ADAMTS1: variants seen among roughly 807,000 people sequenced by gnomAD.
ADAMTS1 encodes ADAM metallopeptidase with thrombospondin type 1 motif 1.
In ADAMTS1, 19 loss-of-function variants were observed where a neutral mutation model predicts 87.9. That is an observed-to-expected ratio of 0.22 (90% CI 0.15 to 0.32). The LOEUF is 0.32. Ranked by LOEUF, ADAMTS1 falls within the 10% of genes least tolerant of loss-of-function variation. The pLI, the probability that ADAMTS1 is intolerant of heterozygous loss-of-function variation, is 1.00. For missense variants in ADAMTS1, 1,240 were observed against 1,259.1 expected (o/e 0.98, Z 0.23); for synonymous variants, 542 against 501.8 (o/e 1.08, Z -1.07).
chr21:26,839,432 A>G, intron 7 of ADAMTS1, 155 bp downstream of exon 7: 1 of 665,308 alleles, frequency 1.5e-6, no homozygotes, highest in South Asian at 2.5e-5. Flanking sequence ...AACTCAAAGC[A>G]GGCAGTTGCC....
Position 26,836,478 on chromosome 21 carries a change from T to C in ADAMTS1, c.*1101A>G, listed in dbSNP as rs897683467. The C allele has an allele frequency of 2.0e-5, 3 of 152,606 alleles. No individual in the cohort carries two copies. The highest frequency in any genetic ancestry group is 2.9e-5 in the Non-Finnish European group (2 of 68,034). The allele number at this position is 152,606 out of a possible 1,614,324, so 9.5% of individuals were successfully genotyped here. The stretch of plus-strand genomic sequence containing the variant: ...GAAGGAACACCCAAACCAATACTTA[T>C]AAAGTACATGTAATTTATAGTAACA... On this transcript the variant is annotated 3_prime_UTR_variant, in exon 9 of 9. Coordinates refer to ENST00000284984, the MANE Select transcript of ADAMTS1 (RefSeq NM_006988.5).
At chr21:26,838,731 T>C (rs1985430900) in intron 7 of ADAMTS1, 117 bp from the exon 8 acceptor site, 2 of 980,718 alleles carry the variant, frequency 2.0e-6, no homozygotes, top group African/African-American at 3.3e-5. Flanking sequence ...CACAGTACCC[T>C]CTACACATTA....
intron 7 of ADAMTS1, 122 bp downstream of exon 7, chr21:26,839,465 T>C: frequency 6.6e-6 from 6 of 905,112 alleles, no homozygotes; most frequent in Non-Finnish European, 9.6e-6. Context: ...AGAAAAGGAG[T>C]TCAAATTTGA....
At chr21:26,839,834 T>C (rs1985453177) in intron 6 of ADAMTS1, 41 bp downstream of exon 6, 1 of 1,605,912 alleles carries the variant, frequency 6.2e-7, no homozygotes, top group South Asian at 1.1e-5. Flanking sequence ...TACATCTTTT[T>C]TTAATCCAGT....
At position 26,837,826 on chromosome 21, in the gene ADAMTS1, C is replaced by T. The variant is rs1347876362; in HGVS notation, c.2657G>A (p.Gly886Glu). Residue 886 changes from glycine to glutamate, a missense_variant, in exon 9 of 9, where the codon GGA (glycine) becomes GAA (glutamate). Transcript: ENST00000284984. ...RRLVECRDIN[G>E]QPASECAKEV... ...CTTTGCACACTCGGAAGCAGGCTGT[C>T]CATTAATGTCTCGGCATTCTACCAG... The T allele has an allele frequency of 1.9e-6, 3 of 1,614,084 alleles. No individual in the cohort carries two copies. The highest frequency in any genetic ancestry group is 2.7e-5 in the African/African-American group (2 of 74,922).
Position 26,840,454 on chromosome 21 carries a change from G to A in ADAMTS1, c.1487C>T (p.Ser496Phe). 1.2e-6 allele frequency: 2 copies of A among 1,614,150 alleles called. No homozygotes were observed. Among genetic ancestry groups the A allele is most frequent in the Non-Finnish European group, 1.7e-6 (2 of 1,179,980 alleles). ...RQCQFTFGED[S>F]KHCPDAASTC... ...GCTGGCTGCATCGGGGCAGTGTTTG[G>A]AGTCCTCCCCAAATGTAAACTGGCA... is the stretch of plus-strand genomic sequence containing the variant. The change falls in exon 5 of 9, where the codon TCC becomes TTC. Residue 496 changes from serine (S) to phenylalanine (F), a missense_variant. By Grantham distance (155) the Ser-to-Phe change is radical. Coordinates refer to ENST00000284984, the MANE Select transcript of ADAMTS1 (RefSeq NM_006988.5).
chr21:26,844,236 C>T lies in ADAMTS1; in HGVS notation c.719G>A (p.Gly240Glu), dbSNP rs1985558054. Residue 240 changes from glycine to glutamate, a missense_variant, in exon 1 of 9, where the codon GGA (glycine) becomes GAA (glutamate). By Grantham distance (98) the Gly-to-Glu change is moderately conservative. Coordinates refer to ENST00000284984, the MANE Select transcript of ADAMTS1 (RefSeq NM_006988.5). Reference protein sequence around the residue: ...SPQDPALQGVGQPTGTGSIRK... With the variant: ...SPQDPALQGVEQPTGTGSIRK... ...AGCAATTCTTCTACCTGTGGGCTGT[C>T]CTACGCCTTGCAGTGCCGGGTCCTG... 6.4e-7 allele frequency: 1 copy of T among 1,566,238 alleles called. No homozygotes were observed. The highest frequency in any genetic ancestry group is 8.7e-7 in the Non-Finnish European group (1 of 1,156,020).
Position 26,839,861 on chromosome 21 carries a change from C to T in ADAMTS1, c.1852+14G>A. ...TAATCCAGTTTCTTAAAACCAGAGT[C>T]CGTTGCTCCTCACCATTATTGTCTG... On this transcript the variant is annotated intron_variant, in intron 6 of 8. Transcript: ENST00000284984. 1 of 1,611,158 alleles carries T rather than the reference C, an allele frequency of 6.2e-7. No homozygotes were observed. Among genetic ancestry groups the T allele is most frequent in the Non-Finnish European group, 8.5e-7 (1 of 1,178,420 alleles).
At chr21:26,844,004 G>T (rs886201862) in intron 1 of ADAMTS1, among the ~76,000 whole-genome samples, 4 of 152,190 alleles carry the variant, frequency 2.6e-5, no homozygotes, top group Non-Finnish European at 5.9e-5. Context: ...TCGTTTGTCA[G>T]TTTTTTTCTT....
At position 26,845,322 on chromosome 21, in the gene ADAMTS1, A is replaced by C. The variant is rs367760208; in HGVS notation, c.-368T>G. 2.1e-4 allele frequency: 45 copies of C among 213,844 alleles called. No individual in the cohort carries two copies. In the South Asian group the frequency reaches 7.9e-3, roughly 38 times the overall value. The allele number at this position is 213,844 out of a possible 1,614,324, so 13.2% of individuals were successfully genotyped here. On this transcript the variant is annotated 5_prime_UTR_variant, in exon 1 of 9. Transcript: ENST00000284984. ...CTCCGCCTTGGCTGCGATGTTGCTC[A>C]CTCTGCTCAGGGCTCTCCCCTCTCC...
rs1235219684 is a variant in ADAMTS1 at position 26,840,009 on chromosome 21, C to T, written c.1718G>A (p.Arg573Lys). The T allele has an allele frequency of 6.2e-7, 1 of 1,613,968 alleles. No individual in the cohort carries two copies. The highest frequency in any genetic ancestry group is 1.3e-5 in the African/African-American group (1 of 74,898). Residue 573 changes from arginine (R) to lysine (K), a missense_variant, in exon 6 of 9, where the codon AGA becomes AAA. Transcript: ENST00000284984. ...GTACTGGACTCCTCCACCGCACGTT[C>T]TCGAACAGTCTCCCCAAGGCCCCCA... is the stretch of plus-strand genomic sequence containing the variant. ...GMWGPWGDCS[R>K]TCGGGVQYTM...
intron 4 of ADAMTS1, 63 bp downstream of exon 4, chr21:26,840,935 T>G (rs1985480453): frequency 1.3e-6 from 2 of 1,535,964 alleles, no homozygotes; most frequent in African/African-American, 1.4e-5. Context: ...AAGAGTTCAT[T>G]TAACTAAACT....
In ADAMTS1 at chr21:26,841,858, C is replaced by T; in HGVS notation, c.1210G>A (p.Gly404Ser). 6.2e-7 allele frequency: 1 copy of T among 1,610,844 alleles called. No individual in the cohort carries two copies. The highest frequency in any genetic ancestry group is 8.5e-7 in the Non-Finnish European group (1 of 1,179,156). The change falls in exon 3 of 9, where the codon GGC (glycine) becomes AGC (serine). Residue 404 changes from glycine (G) to serine (S), a missense_variant and splice_region_variant. By Grantham distance (56) the Gly-to-Ser change is moderately conservative. Transcript: ENST00000284984. ...AACTTCTACTTTGAAGCAGACTTAC[C>T]TAATTCATGGGCTGTGGTGAAGGCA... ...QAAFTTAHEL[G>S]HVFNMPHDDA... is the part of the protein sequence containing the mutation.
rs567070287 is a variant in ADAMTS1 at position 26,844,936 on chromosome 21, C to G, written c.19G>C (p.Glu7Gln). The G allele has an allele frequency of 1.1e-5, 16 of 1,510,036 alleles. No homozygotes were observed. The East Asian group carries it at 2.5e-4, about 24-fold the overall frequency. The allele number at this position is 1,510,036 out of a possible 1,614,324, so 93.5% of individuals were successfully genotyped here. A position where few individuals can be genotyped will look rare whatever the true frequency, so the allele number is the denominator to read the frequency against. The stretch of plus-strand genomic sequence containing the variant: ...CCCAGCTTGCGCCTTCCGAACCCCT[C>G]GGGCACAGCTCGCTGCATTGGAGCC... MQRAVP[E>Q]GFGRRKLGSD... The change falls in exon 1 of 9, where the codon GAG becomes CAG. Residue 7 changes from glutamate (E) to glutamine (Q), a missense_variant. This residue lies in a region of ADAMTS1 where 521 missense variants were observed against 449.7 expected (regional missense o/e 1.16). Coordinates refer to ENST00000284984, the MANE Select transcript of ADAMTS1 (RefSeq NM_006988.5).
At chr21:26,842,993 A>G (rs112580392) in intron 1 of ADAMTS1, 30 of 347,980 alleles carry the variant, frequency 8.6e-5, no homozygotes, top group South Asian at 1.4e-4. Context: ...ATCCTACCCA[A>G]TTGTAGTAAA....
At chr21:26,841,239 G>A in intron 3 of ADAMTS1, 74 bp from the exon 4 acceptor site, 1 of 1,527,654 alleles carries the variant, frequency 6.5e-7, no homozygotes, top group East Asian at 2.3e-5. Context: ...TGTAATTCCA[G>A]AAGCCGAGGC....
At chr21:26,842,094 A>C in intron 2 of ADAMTS1, 104 bp from the exon 3 acceptor site, 1 of 1,315,782 alleles carries the variant, frequency 7.6e-7, no homozygotes, top group Non-Finnish European at 1.0e-6. Context: ...GAGCATCTAC[A>C]TTCATTATTG....
chr21:26,842,414 G>A lies in ADAMTS1; in HGVS notation c.1002C>T (p.Asn334=). ...NAALTLRNFC[N]WQKQHNPPSD... Reference sequence around the variant, plus strand: ...TGGGTGGGTTGTGCTGCTTCTGCCAGTTGCAAAAGTTCCGCAGAGTGAGGG... The same window carrying A: ...TGGGTGGGTTGTGCTGCTTCTGCCAATTGCAAAAGTTCCGCAGAGTGAGGG... The change falls in exon 2 of 9, where the codon AAC becomes AAT. Residue 334 remains asparagine (N), a synonymous_variant. Coordinates refer to ENST00000284984, the MANE Select transcript of ADAMTS1 (RefSeq NM_006988.5). 1 of 1,614,144 alleles carries A rather than the reference G, an allele frequency of 6.2e-7. No homozygotes were observed. Among genetic ancestry groups the A allele is most frequent in the Non-Finnish European group, 8.5e-7 (1 of 1,180,034 alleles).
chr21:26,838,304 ATC>A (rs747731086), intron 8 of ADAMTS1, 26 bp from the exon 9 acceptor site: 18 of 1,583,254 alleles, frequency 1.1e-5, no homozygotes, highest in South Asian at 2.3e-5. Flanking sequence ...ACAGGCATAA[ATC>A]TCTGATTCAT....
Sources: allele counts gnomAD v4.1 joint callset (sites outside exome capture counted in the v4.1 genomes callset), GRCh38; gene constraint gnomAD v4.1.1; regional missense constraint gnomAD v4.1.1; transcripts MANE v1.5; gene names NCBI Gene and HGNC (gene_info 2026-07-23, HGNC 2026-07-21).